PPFIA2: variants seen among roughly 807,000 people sequenced by gnomAD.
PPFIA2 encodes liprin-alpha-2.
A neutral mutation model predicts 175.5 loss-of-function variants in PPFIA2; 46 were observed. That is an observed-to-expected ratio of 0.26 (90% CI 0.21 to 0.34). The LOEUF (loss-of-function observed/expected upper bound fraction) is 0.34, where lower values mean the gene tolerates loss of function less well. Ranked by LOEUF, PPFIA2 falls within the 10% of genes least tolerant of loss-of-function variation. PPFIA2 has a pLI of 1.00. For synonymous variants in PPFIA2, 568 were observed against 511.4 expected, an observed-to-expected ratio of 1.11 and a Z score of -1.49; for missense variants, 1,179 against 1,506.1, an observed-to-expected ratio of 0.78 and a Z score of 3.60.
intron 21 of PPFIA2, among the ~76,000 whole-genome samples, chr12:81,331,917 G>T (rs1484171858): frequency 1.3e-5 from 2 of 152,058 alleles, no homozygotes; most frequent in African/African-American, 4.8e-5. Context: ...TTTCTTCATT[G>T]TAATTATTAG....
At chr12:81,676,757 T>G in intron 4 of PPFIA2, 34 bp downstream of exon 4, 1 of 1,484,086 alleles carries the variant, frequency 6.7e-7, no homozygotes, top group Non-Finnish European at 9.2e-7. Context: ...ATTCAATTCA[T>G]CAATAGTTAA....
intron 17 of PPFIA2, among the ~76,000 whole-genome samples, chr12:81,352,540 T>A (rs2060201057): frequency 6.6e-6 from 1 of 151,904 alleles, no homozygotes; most frequent in South Asian, 2.1e-4. Flanking sequence ...ACCCTGCTGA[T>A]ACCTTCATCT....
chr12:81,589,847 C>T (rs1003222945), intron 4 of PPFIA2, among the ~76,000 whole-genome samples: 6 of 152,016 alleles, frequency 3.9e-5, no homozygotes, highest in Admixed American at 1.3e-4. Context: ...CCTCTGTTCT[C>T]GTCCAAATCC....
intron 7 of PPFIA2, among the ~76,000 whole-genome samples, chr12:81,421,805 G>A (rs1263914837): frequency 1.5e-4 from 23 of 151,822 alleles, no homozygotes; most frequent in Admixed American, 1.5e-3. Flanking sequence ...TTTTTCATAA[G>A]ACACTCATTT....
At chr12:81,551,765 C>G (rs769622074) in intron 4 of PPFIA2, among the ~76,000 whole-genome samples, 146 of 151,938 alleles carry the variant, frequency 9.6e-4, no homozygotes, top group South Asian at 1.0e-3. Context: ...TATATAAAGT[C>G]TTTTCAAATA....
chr12:81,415,396 C>T (rs1214127039), intron 7 of PPFIA2, among the ~76,000 whole-genome samples: 1 of 148,268 alleles, frequency 6.7e-6, no homozygotes, highest in Non-Finnish European at 1.5e-5. Flanking sequence ...AATTCCTATA[C>T]AGATAAATTA....
At chr12:81,546,575 G>A (rs1385731607) in intron 4 of PPFIA2, 3 of 151,810 alleles carry the variant, frequency 2.0e-5, no homozygotes, top group African/African-American at 4.8e-5. Context: ...ACTACCAATC[G>A]CCCAATTTGT....
intron 4 of PPFIA2, among the ~76,000 whole-genome samples, chr12:81,593,054 A>C (rs185836530): frequency 2.0e-5 from 3 of 152,268 alleles, no homozygotes; most frequent in Admixed American, 2.0e-4. Flanking sequence ...CACCATGCCC[A>C]GCTAAGTATC....
chr12:81,445,430 A>G, intron 6 of PPFIA2, 126 bp downstream of exon 6: 1 of 815,900 alleles, frequency 1.2e-6, no homozygotes, highest in Non-Finnish European at 1.9e-6. Flanking sequence ...ATGATTTTTC[A>G]TATAACTCAA....
chr12:81,358,187 C>G lies in PPFIA2; in HGVS notation c.1668G>C (p.Arg556=). The G allele has an allele frequency of 6.3e-7, 1 of 1,592,874 alleles. No homozygotes were observed. Among genetic ancestry groups the G allele is most frequent in the Middle Eastern group, 1.7e-4 (1 of 6,032 alleles). The change falls in exon 16 of 33, where the codon CGG becomes CGC. Residue 556 remains arginine, a synonymous_variant. Transcript: ENST00000549396. ...TGTCCACTAGGGATCCCACTGAGTACCGCAACTCAGCTGAGGTGTCTAGAT... is the reference window on the plus strand; with the variant it reads ...TGTCCACTAGGGATCCCACTGAGTAGCGCAACTCAGCTGAGGTGTCTAGAT... ...RTHLDTSAEL[R]YSVGSLVDSQ...
chr12:81,666,952 A>G (rs1010809692), intron 4 of PPFIA2, among the ~76,000 whole-genome samples: 1 of 152,102 alleles, frequency 6.6e-6, no homozygotes, highest in Non-Finnish European at 1.5e-5. Context: ...AGGTTTATAT[A>G]AAATATGGTT....
At chr12:81,670,272 G>T (rs1022414385) in intron 4 of PPFIA2, among the ~76,000 whole-genome samples, 2 of 151,848 alleles carry the variant, frequency 1.3e-5, no homozygotes, top group African/African-American at 4.8e-5. Context: ...TATTATTTAA[G>T]TAGAACTTAT....
intron 24 of PPFIA2, 187 bp from the exon 25 acceptor site, chr12:81,284,490 G>C (rs2042819452): frequency 1.9e-6 from 1 of 539,946 alleles, no homozygotes; most frequent in Non-Finnish European, 3.3e-6. Context: ...TACTCAAAAA[G>C]ATTAACTAGA....
Position 81,259,391 on chromosome 12 carries a change from AAAC to A in PPFIA2, c.*300_*302del, listed in dbSNP as rs2034624262. 1 of 634,472 alleles carries A rather than the reference AAAC, an allele frequency of 1.6e-6. No homozygotes were observed. The highest frequency in any genetic ancestry group is 1.6e-5 in the South Asian group (1 of 62,226). The allele number at this position is 634,472 out of a possible 1,614,324, so 39.3% of individuals were successfully genotyped here. A position where few individuals can be genotyped will look rare whatever the true frequency, so the allele number is the denominator to read the frequency against. ...CTAGTATATTACAATAAAACATGAA[AAAC>A]AACTGGCTTCATTTCATAAAAGCAT... On this transcript the variant is annotated 3_prime_UTR_variant, in exon 33 of 33. Coordinates refer to ENST00000549396, the MANE Select transcript of PPFIA2 (RefSeq NM_003625.5).
At chr12:81,725,672 A>G (rs537860472) in intron 3 of PPFIA2, among the ~76,000 whole-genome samples, 4 of 151,104 alleles carry the variant, frequency 2.6e-5, no homozygotes, top group African/African-American at 9.7e-5. Context: ...ATAAATTGAT[A>G]AATAAGAAAA....
intron 7 of PPFIA2, among the ~76,000 whole-genome samples, chr12:81,421,532 T>C (rs996149761): frequency 6.6e-6 from 1 of 151,372 alleles, no homozygotes; most frequent in African/African-American, 2.4e-5. Context: ...ATTCCCACAA[T>C]ATACATAAAA....
chr12:81,537,336 A>G (rs1273688632), intron 4 of PPFIA2, among the ~76,000 whole-genome samples: 3 of 151,886 alleles, frequency 2.0e-5, no homozygotes, highest in Admixed American at 6.6e-5. Context: ...TCCTTATTTC[A>G]ACACTTATAA....
At chr12:81,543,709 T>A (rs2066558210) in intron 4 of PPFIA2, among the ~76,000 whole-genome samples, 2 of 152,052 alleles carry the variant, frequency 1.3e-5, no homozygotes, top group Admixed American at 1.3e-4. Context: ...AACTTTATAG[T>A]GAAGAAACCC....
chr12:81,512,029 C>G (rs903464657), intron 4 of PPFIA2, among the ~76,000 whole-genome samples: 1 of 152,044 alleles, frequency 6.6e-6, no homozygotes, highest in Admixed American at 6.6e-5. Context: ...AAACACATAG[C>G]ACTAAATAAA....
Sources: gnomAD v4.1 joint callset for allele counts (sites outside exome capture counted in the v4.1 genomes callset) on GRCh38, gnomAD v4.1.1 for gene constraint, MANE v1.5 for transcripts, NCBI Gene and HGNC (gene_info 2026-07-23, HGNC 2026-07-21) for gene names.